The following MYL3 variants were observed in gnomAD, a reference collection of about 807,000 sequenced individuals.
The protein encoded by MYL3 is CMLC1.
MYL3 carries 11 observed loss-of-function variants against 21.3 expected under a neutral mutation model. The ratio of observed to expected loss-of-function variants is 0.52; its 90% CI spans 0.32 to 0.85. The LOEUF (loss-of-function observed/expected upper bound fraction) is 0.85, where lower values mean the gene tolerates loss of function less well. Among genes scored for constraint, MYL3 ranks in the 40% least tolerant of loss-of-function variants. MYL3 has a pLI of 0.03. For synonymous variants in MYL3, 88 were observed against 91.6 expected, an observed-to-expected ratio of 0.96 and a Z score of 0.22; for missense variants, 206 against 253.3, an observed-to-expected ratio of 0.81 and a Z score of 1.27.
chr3:46,863,572 C>T (rs1422951700), upstream of MYL3: 2 of 626,440 alleles, frequency 3.2e-6, no homozygotes, highest in Admixed American at 5.8e-5. Context: ...ATTTTGGGGC[C>T]TGGGGAGGGC....
intron 4 of MYL3, 90 bp from the exon 5 acceptor site, chr3:46,858,551 A>G: frequency 7.9e-7 from 1 of 1,264,510 alleles, no homozygotes; most frequent in East Asian, 2.4e-5. Flanking sequence ...ATGGTGGCTC[A>G]ACCTCTCCAG....
chr3:46,859,463 G>A lies in MYL3; in HGVS notation c.481+12C>T. The A allele has an allele frequency of 6.2e-7, 1 of 1,613,982 alleles. No homozygotes were observed. Among genetic ancestry groups the A allele is most frequent in the Non-Finnish European group, 8.5e-7 (1 of 1,179,972 alleles). ...TGGAAGGAGTTGGGGTAGGGGAGGA[G>A]GCTGCCCTCACCCAGCGTGGCCAGC... On this transcript the variant is annotated intron_variant, in intron 4 of 6. Transcript: ENST00000292327. This position sits in a 1 kb window ranked among gnomAD's most constrained non-coding sequence, Gnocchi z 4.1.
chr3:46,865,956 C>T (rs1702045645), upstream of MYL3, among the ~76,000 whole-genome samples: 1 of 152,036 alleles, frequency 6.6e-6, no homozygotes, highest in African/African-American at 2.4e-5. The surrounding 1 kb of genome is among the most constrained non-coding windows in gnomAD (Gnocchi z 4.3). Flanking sequence ...CAACAGTGCC[C>T]CAGGACTCAC....
At chr3:46,863,202 C>A (rs894500139) in intron 1 of MYL3, 60 bp downstream of exon 1, 2 of 1,610,534 alleles carry the variant, frequency 1.2e-6, no homozygotes, top group African/African-American at 2.7e-5. Flanking sequence ...TTGCTAGGTC[C>A]ACTCTGGGAT....
chr3:46,873,491 G>GC (rs1325484876), intron 1 of MYL3, among the ~76,000 whole-genome samples: 1 of 152,098 alleles, frequency 6.6e-6, no homozygotes, highest in Non-Finnish European at 1.5e-5. Flanking sequence ...TCACTTCCTT[G>GC]CCCCCCTCCA....
Position 46,859,786 on chromosome 3 carries a change from A to C in MYL3, c.308-138T>G. The C allele has an allele frequency of 9.6e-7, 1 of 1,042,750 alleles. No homozygotes were observed. Among genetic ancestry groups the C allele is most frequent in the East Asian group, 2.4e-5 (1 of 41,796 alleles). 64.6% of individuals were successfully genotyped at this position (1,042,750 alleles called of 1,614,324 possible). ...TACACCAGTTCTCACAGCAGTCTAC[A>C]CCAGTTTGCCATTTAAAAGCAAACT... On this transcript the variant is annotated intron_variant, in intron 3 of 6. Transcript: ENST00000292327. This position sits in a 1 kb window ranked among gnomAD's most constrained non-coding sequence, Gnocchi z 4.1.
intron 1 of MYL3, among the ~76,000 whole-genome samples, chr3:46,880,650 C>T (rs1331747155): frequency 6.6e-6 from 1 of 152,130 alleles, no homozygotes; most frequent in Non-Finnish European, 1.5e-5. Context: ...TCACTTGAGC[C>T]TGGGAAGCGG....
At chr3:46,880,804 G>T (rs1309844203) in intron 1 of MYL3, among the ~76,000 whole-genome samples, 1 of 152,188 alleles carries the variant, frequency 6.6e-6, no homozygotes, top group African/African-American at 2.4e-5. Flanking sequence ...ATGCACCTGG[G>T]AGTGCAGTCT....
In MYL3 at chr3:46,879,701, C is replaced by T. The variant is rs1473698245; in HGVS notation, c.-218+2373G>A. 6.6e-6 allele frequency among the ~76,000 whole-genome samples: 1 copy of T among 152,066 alleles called. No individual in the cohort carries two copies. Among genetic ancestry groups the T allele is most frequent in the East Asian group, 1.9e-4 (1 of 5,188 alleles). On this transcript the variant is annotated intron_variant, in intron 1 of 3. Coordinates refer to the MYL3 transcript ENST00000431168. This position sits in a 1 kb window ranked among gnomAD's most constrained non-coding sequence, Gnocchi z 4.7. Reference sequence around the variant, plus strand: ...GGTCAAGGCTGCTGTGAGCCATGACCGTGCCACTGCACTCCAGCCTGGGTG... The same window carrying T: ...GGTCAAGGCTGCTGTGAGCCATGACTGTGCCACTGCACTCCAGCCTGGGTG...
At chr3:46,878,006 G>A (rs1333454126) in intron 1 of MYL3, among the ~76,000 whole-genome samples, 1 of 152,212 alleles carries the variant, frequency 6.6e-6, no homozygotes, top group Non-Finnish European at 1.5e-5. Context: ...TGACAGCAGG[G>A]GGCTTGTAAC....
Position 46,863,267 on chromosome 3 carries a change from T to C in MYL3, c.124A>G (p.Ile42Val), listed in dbSNP as rs1322033572. 2 of 1,614,004 alleles carry C rather than the reference T, an allele frequency of 1.2e-6. No individual in the cohort carries two copies. The highest frequency in any genetic ancestry group is 8.5e-7 in the Non-Finnish European group (1 of 1,180,012). The change falls in exon 1 of 7, where the codon ATC becomes GTC. Residue 42 changes from isoleucine (I) to valine (V), a missense_variant. Physicochemically the swap from Ile to Val is conservative, Grantham distance 29. Transcript: ENST00000292327. ...CACCCAGCTTCCATACCCACCTTGA[T>C]CTTGGAAGCATCAAACTCGACCTCC... The part of the protein sequence containing the change: ...PKEVEFDASK[I>V]KIEFTPEQIE...
At chr3:46,870,113 C>G (rs928972594) in intron 1 of MYL3, among the ~76,000 whole-genome samples, 5 of 151,962 alleles carry the variant, frequency 3.3e-5, no homozygotes, top group African/African-American at 1.2e-4. Context: ...CAAATGTTGC[C>G]CCAGGAAAGG....
In MYL3 at chr3:46,857,937, G is replaced by A. The variant is rs1027135879; in HGVS notation, c.*178C>T. 7.8e-6 allele frequency: 4 copies of A among 514,520 alleles called. No homozygotes were observed. Among genetic ancestry groups the A allele is most frequent in the Non-Finnish European group, 1.1e-5 (3 of 282,402 alleles). The allele number at this position is 514,520 out of a possible 1,614,324, so 31.9% of individuals were successfully genotyped here. On this transcript the variant is annotated 3_prime_UTR_variant, in exon 7 of 7. Coordinates refer to ENST00000292327, the MANE Select transcript of MYL3 (RefSeq NM_000258.3). This position sits in a 1 kb window ranked among gnomAD's most constrained non-coding sequence, Gnocchi z 5.0. The stretch of plus-strand genomic sequence containing the variant: ...GGTGGGGACAGAGCTGCTGTCACAG[G>A]TAAGCACAGCCTGAGAGGGGCCAGA...
Position 46,859,687 on chromosome 3 carries a change from G to A in MYL3, c.308-39C>T. On this transcript the variant is annotated intron_variant, in intron 3 of 6. Coordinates refer to ENST00000292327, the MANE Select transcript of MYL3 (RefSeq NM_000258.3). This position sits in a 1 kb window ranked among gnomAD's most constrained non-coding sequence, Gnocchi z 4.1. ...GTCCCAGGTTCCAGGGTCTAAGGCT[G>A]GGGTGGGCACACCCCTCCCCCATGC... is the stretch of plus-strand genomic sequence containing the variant. 1 of 1,612,348 alleles carries A rather than the reference G, an allele frequency of 6.2e-7. No individual in the cohort carries two copies. The highest frequency in any genetic ancestry group is 8.5e-7 in the Non-Finnish European group (1 of 1,178,546).
chr3:46,868,233 C>T (rs1702067974), upstream of MYL3, among the ~76,000 whole-genome samples: 1 of 152,148 alleles, frequency 6.6e-6, no homozygotes, highest in Admixed American at 6.5e-5. Context: ...CTCCTGTGAC[C>T]CGGGCTGGTC....
chr3:46,860,760 GC>G lies in MYL3; in HGVS notation c.222del (p.Gln75SerfsTer34). 6.2e-7 allele frequency: 1 copy of G among 1,614,126 alleles called. No homozygotes were observed. On this transcript the variant is annotated frameshift_variant, in exon 3 of 7. Coordinates refer to ENST00000292327, the MANE Select transcript of MYL3 (RefSeq NM_000258.3). LOFTEE classifies it high-confidence loss of function. The surrounding 1 kb of genome is among the most constrained non-coding windows in gnomAD (Gnocchi z 4.6). ...AGCGCCCGCAGGACATCCCCACACT[GC>G]CCGTAGGTGATCTTCATCTCACACT... ...TPKCEMKITYGQCGDVLRALG... is the reference protein window; with the variant it reads ...TPKCEMKITYXQCGDVLRALG...
At chr3:46,868,759 G>A (rs915099857) in intron 1 of MYL3, among the ~76,000 whole-genome samples, 1 of 152,226 alleles carries the variant, frequency 6.6e-6, no homozygotes, top group African/African-American at 2.4e-5. Flanking sequence ...GACTTCTCAG[G>A]GGCCTGGACT....
upstream of MYL3, among the ~76,000 whole-genome samples, chr3:46,868,162 C>T (rs1163000485): frequency 6.6e-6 from 1 of 152,186 alleles, no homozygotes; most frequent in Non-Finnish European, 1.5e-5. Context: ...CCCAGAGGCA[C>T]AACCCCGGGC....
chr3:46,879,660 T>C lies in MYL3; in HGVS notation c.-218+2414A>G, dbSNP rs1411308311. ...TACATGAGAGGCTGAGGTGAGAGGA[T>C]TGCTTGAGCCCAGGAGGTCAAGGCT... On this transcript the variant is annotated intron_variant, in intron 1 of 3. Coordinates refer to the MYL3 transcript ENST00000431168. The surrounding 1 kb of genome is among the most constrained non-coding windows in gnomAD (Gnocchi z 4.7). 6.6e-6 allele frequency among the ~76,000 whole-genome samples: 1 copy of C among 151,742 alleles called. No homozygotes were observed. Among genetic ancestry groups the C allele is most frequent in the Non-Finnish European group, 1.5e-5 (1 of 67,898 alleles).
Sources: allele counts gnomAD v4.1 joint callset (sites outside exome capture counted in the v4.1 genomes callset), GRCh38; gene constraint gnomAD v4.1.1; non-coding constraint Gnocchi (gnomAD v3.1); transcripts MANE v1.5; gene names NCBI Gene and HGNC (gene_info 2026-07-23, HGNC 2026-07-21).